TOGARAM1: variants seen among roughly 807,000 people sequenced by gnomAD.
TOGARAM1 encodes TOG array regulator of axonemal microtubules 1, also known as TOG array regulator of axonemal microtubules protein 1.
A neutral mutation model predicts 166.6 loss-of-function variants in TOGARAM1; 100 were observed. That is an observed-to-expected ratio of 0.60 (90% CI 0.51 to 0.71). The LOEUF (loss-of-function observed/expected upper bound fraction) is 0.71. Among genes scored for constraint, TOGARAM1 ranks in the 30% least tolerant of loss-of-function variants. TOGARAM1 has a pLI of 0.00. For missense variants in TOGARAM1, 2,029 were observed against 2,102.7 expected, an observed-to-expected ratio of 0.96 and a Z score of 0.69; for synonymous variants, 758 against 763.8, an observed-to-expected ratio of 0.99 and a Z score of 0.13.
intron 6 of TOGARAM1, 167 bp from the exon 7 acceptor site, chr14:45,011,808 T>A: frequency 1.9e-6 from 1 of 525,346 alleles, no homozygotes; most frequent in Non-Finnish European, 3.4e-6. Context: ...TGTGTGTGTG[T>A]GTGTATACAC....
At chr14:45,052,190 A>G (rs1321682524) in intron 14 of TOGARAM1, among the ~76,000 whole-genome samples, 3 of 152,220 alleles carry the variant, frequency 2.0e-5, no homozygotes, top group African/African-American at 7.2e-5. Flanking sequence ...ACAGAATCAT[A>G]TCTCTTTCAC....
chr14:44,973,616 A>ATC lies in TOGARAM1; in HGVS notation c.2046+9156_2046+9157dup, dbSNP rs1459023464. ...TCTCTCTATATATACATATATATAT[A>ATC]TCTCTCTCCAGGTTTTTGACCTATA... On this transcript the variant is annotated intron_variant, in intron 1 of 19. Coordinates refer to ENST00000361462, the MANE Select transcript of TOGARAM1 (RefSeq NM_001308120.2). Among the ~76,000 whole-genome samples the ATC allele has an allele frequency of 2.0e-5, 3 of 150,502 alleles. No individual in the cohort carries two copies. In the East Asian group the frequency reaches 5.8e-4, roughly 29 times the overall value.
intron 1 of TOGARAM1, among the ~76,000 whole-genome samples, chr14:44,964,951 T>TAAAAA (rs35780816): frequency 7.0e-5 from 6 of 85,882 alleles, no homozygotes; most frequent in African/African-American, 1.4e-4. Context: ...ACTAGAAAAG[T>TAAAAA]AAAAAAAAAA....
chr14:45,040,650 T>C (rs1881680333), intron 11 of TOGARAM1, among the ~76,000 whole-genome samples: 1 of 151,622 alleles, frequency 6.6e-6, no homozygotes, highest in East Asian at 1.9e-4. Flanking sequence ...TATAGAAATA[T>C]GATAAACAGC....
Position 44,962,440 on chromosome 14 carries a change from G to T in TOGARAM1, c.19G>T (p.Ala7Ser). 3 of 1,568,822 alleles carry T rather than the reference G, an allele frequency of 1.9e-6. No individual in the cohort carries two copies. The highest frequency in any genetic ancestry group is 1.2e-5 in the South Asian group (1 of 85,472). MAAAPS[A>S]LLLLPPFPVL... is the part of the protein sequence containing the mutation. Reference sequence around the variant, plus strand: ...ACCCTGCATGGCGGCTGCCCCCTCCGCGCTGCTTCTGCTGCCGCCCTTTCC... The same window carrying T: ...ACCCTGCATGGCGGCTGCCCCCTCCTCGCTGCTTCTGCTGCCGCCCTTTCC... Residue 7 changes from alanine to serine, a missense_variant, in exon 1 of 20, where the codon GCG (alanine) becomes TCG (serine). Around this residue, in one of 2 missense-constraint regions of TOGARAM1, gnomAD observed 1,453 missense variants for 1,432.2 expected, o/e 1.01. Transcript: ENST00000361462.
In TOGARAM1 at chr14:45,009,023, G is replaced by A. The variant is rs759087539; in HGVS notation, c.3015G>A (p.Leu1005=). ...CTGATTCTGCAATGAAGCTCGACTT[G>A]ACGATGGACTCCCCGTCTCTGTCTT... The part of the protein sequence containing the change: ...ESPDSAMKLD[L]TMDSPSLSSS... Residue 1005 remains leucine (L), a synonymous_variant, in exon 6 of 20, where the codon TTG becomes TTA. Coordinates refer to ENST00000361462, the MANE Select transcript of TOGARAM1 (RefSeq NM_001308120.2). 3 of 1,614,130 alleles carry A rather than the reference G, an allele frequency of 1.9e-6. No individual in the cohort carries two copies. The highest frequency in any genetic ancestry group is 2.2e-5 in the South Asian group (2 of 91,088).
intron 7 of TOGARAM1, among the ~76,000 whole-genome samples, chr14:45,012,316 C>T (rs1245445070): frequency 2.0e-5 from 3 of 152,078 alleles, no homozygotes; most frequent in Non-Finnish European, 4.4e-5. Flanking sequence ...ATGGCTGGCT[C>T]CTACACCTAG....
chr14:45,004,195 A>G lies in TOGARAM1; in HGVS notation c.2473A>G (p.Thr825Ala). The change falls in exon 4 of 20, where the codon ACT becomes GCT. Residue 825 changes from threonine to alanine, a missense_variant. Physicochemically the swap from Thr to Ala is moderately conservative, Grantham distance 58. Coordinates refer to ENST00000361462, the MANE Select transcript of TOGARAM1 (RefSeq NM_001308120.2). ...ATCCTATCCTGTCTCATCACCTCGA[A>G]CTAGTCCAAAGCATACATCTCCTCT... ...LPSYPVSSPR[T>A]SPKHTSPLII... The G allele has an allele frequency of 6.2e-7, 1 of 1,614,064 alleles. No homozygotes were observed. Among genetic ancestry groups the G allele is most frequent in the African/African-American group, 1.3e-5 (1 of 75,030 alleles).
Position 45,052,501 on chromosome 14 carries a change from A to T in TOGARAM1, c.4379A>T (p.Lys1460Met). The T allele has an allele frequency of 1.2e-6, 2 of 1,613,108 alleles. No individual in the cohort carries two copies. Among genetic ancestry groups the T allele is most frequent in the Non-Finnish European group, 1.7e-6 (2 of 1,179,522 alleles). The part of the protein sequence containing the change: ...CHPNFEKMLE[K>M]YVPSKDLPYI... ...CCTAACTTTGAAAAAATGCTTGAAA[A>T]GTATGTCCCATCTAAAGATTTGCCA... is the stretch of plus-strand genomic sequence containing the variant. Residue 1460 changes from lysine to methionine, a missense_variant, in exon 15 of 20, where the codon AAG becomes ATG. Coordinates refer to ENST00000361462, the MANE Select transcript of TOGARAM1 (RefSeq NM_001308120.2).
At chr14:44,982,147 AC>A (rs1400839470) in intron 1 of TOGARAM1, among the ~76,000 whole-genome samples, 1 of 152,154 alleles carries the variant, frequency 6.6e-6, no homozygotes, top group Non-Finnish European at 1.5e-5. Flanking sequence ...CCTAGCCTGA[AC>A]ATTTTTTTCT....
At chr14:44,992,015 AC>A (rs1350771249) in intron 1 of TOGARAM1, among the ~76,000 whole-genome samples, 1 of 147,606 alleles carries the variant, frequency 6.8e-6, no homozygotes, top group African/African-American at 2.5e-5. Flanking sequence ...AAGTGGCAAA[AC>A]CCTTGAGCCC....
intron 7 of TOGARAM1, 53 bp downstream of exon 7, chr14:45,012,128 T>C: frequency 8.3e-7 from 1 of 1,202,086 alleles, no homozygotes; most frequent in Non-Finnish European, 1.2e-6. Flanking sequence ...TTTCAAATGA[T>C]GTAAAAAATG....
chr14:45,049,987 T>G (rs2138968118), intron 14 of TOGARAM1, among the ~76,000 whole-genome samples: 1 of 152,250 alleles, frequency 6.6e-6, no homozygotes, highest in African/African-American at 2.4e-5. Flanking sequence ...AATTTTCGAG[T>G]TTTGTATTTC....
At position 45,004,509 on chromosome 14, in the gene TOGARAM1, A is replaced by C. The variant is rs1008650091; in HGVS notation, c.2644+143A>C. On this transcript the variant is annotated intron_variant, in intron 4 of 19. Coordinates refer to ENST00000361462, the MANE Select transcript of TOGARAM1 (RefSeq NM_001308120.2). ...GTAAATATTTAGGAAAATATTTAAT[A>C]GTGTGTTAAATAAATCAAATGTATA... is the stretch of plus-strand genomic sequence containing the variant. 6 of 644,822 alleles carry C rather than the reference A, an allele frequency of 9.3e-6. No homozygotes were observed. The African/African-American group carries it at 1.1e-4, about 12-fold the overall frequency. 39.9% of individuals were successfully genotyped at this position (644,822 alleles called of 1,614,324 possible).
chr14:45,031,407 A>G (rs1881147363), intron 10 of TOGARAM1, among the ~76,000 whole-genome samples: 2 of 152,186 alleles, frequency 1.3e-5, no homozygotes, highest in Non-Finnish European at 2.9e-5. Context: ...TGCTTGGTCA[A>G]TGTCTTATTA....
chr14:44,993,097 AT>A (rs1212176281), intron 1 of TOGARAM1, among the ~76,000 whole-genome samples: 10 of 151,420 alleles, frequency 6.6e-5, no homozygotes, highest in African/African-American at 1.7e-4. Context: ...AAATAAAAAA[AT>A]AAAGTAAAAT....
intron 7 of TOGARAM1, among the ~76,000 whole-genome samples, chr14:45,014,431 A>G (rs1287579368): frequency 6.6e-6 from 1 of 152,154 alleles, no homozygotes; most frequent in Non-Finnish European, 1.5e-5. Context: ...TTCTAGGATC[A>G]AGTTTTAGAA....
chr14:45,047,832 G>C (rs564757778), intron 14 of TOGARAM1, among the ~76,000 whole-genome samples: 8 of 152,052 alleles, frequency 5.3e-5, no homozygotes, highest in Non-Finnish European at 8.8e-5. Flanking sequence ...GAGGCAGGTA[G>C]ATCACCTGAG....
At chr14:44,994,576 G>A (rs1259018053) in intron 1 of TOGARAM1, among the ~76,000 whole-genome samples, 2 of 152,048 alleles carry the variant, frequency 1.3e-5, no homozygotes, top group African/African-American at 2.4e-5. Context: ...ATGCCACCAT[G>A]CCTGGCTAAT....
Sources: allele counts gnomAD v4.1 joint callset (sites outside exome capture counted in the v4.1 genomes callset), GRCh38; gene constraint gnomAD v4.1.1; regional missense constraint gnomAD v4.1.1; transcripts MANE v1.5; gene names NCBI Gene and HGNC (gene_info 2026-07-23, HGNC 2026-07-21).